Variants in LPIN2 observed in about 807,000 individuals in gnomAD.
LPIN2 encodes phosphatidate phosphatase LPIN2.
In LPIN2, 55 loss-of-function variants were observed where a neutral mutation model predicts 111.4. The observed-to-expected ratio is 0.49, with a 90% CI of 0.40 to 0.62. LPIN2 has a LOEUF of 0.62. LPIN2 is among the 20% of genes least tolerant of loss of function. The pLI, the probability that LPIN2 is intolerant of heterozygous loss-of-function variation, is 0.00. For missense variants in LPIN2, 992 were observed against 1,112.1 expected (o/e 0.89, Z 1.54); for synonymous variants, 425 against 414.0 (o/e 1.03, Z -0.32).
At chr18:2,954,258 T>C (rs746132471) in intron 3 of LPIN2, among the ~76,000 whole-genome samples, 1 of 152,200 alleles carries the variant, frequency 6.6e-6, no homozygotes, top group Non-Finnish European at 1.5e-5. Flanking sequence ...TGCCTTCCCT[T>C]AGAAAAAGTG....
intron 1 of LPIN2, chr18:2,967,640 G>C (rs753532158): frequency 6.6e-6 from 1 of 152,208 alleles, no homozygotes; most frequent in Non-Finnish European, 1.5e-5. Flanking sequence ...ACAGAAGAAA[G>C]GAAGAGTATA....
At chr18:2,970,933 T>TA (rs1263385376) in intron 1 of LPIN2, among the ~76,000 whole-genome samples, 1 of 152,150 alleles carries the variant, frequency 6.6e-6, no homozygotes, top group African/African-American at 2.4e-5. Context: ...TCACTTTCTA[T>TA]AAACAGATGA....
chr18:3,008,832 C>CTCCTGA (rs1297947129), intron 1 of LPIN2, among the ~76,000 whole-genome samples: 2 of 151,914 alleles, frequency 1.3e-5, no homozygotes, highest in Non-Finnish European at 2.9e-5. Context: ...TGACCTTAGC[C>CTCCTGA]TCCTGAGCAG....
At chr18:2,986,837 G>A (rs2078194484) in intron 1 of LPIN2, among the ~76,000 whole-genome samples, 1 of 152,142 alleles carries the variant, frequency 6.6e-6, no homozygotes, top group Non-Finnish European at 1.5e-5. Context: ...CCTAATTTAG[G>A]ATCAGAGTAA....
At chr18:3,003,805 T>C (rs943402131) in intron 1 of LPIN2, among the ~76,000 whole-genome samples, 1 of 152,172 alleles carries the variant, frequency 6.6e-6, no homozygotes, top group African/African-American at 2.4e-5. Flanking sequence ...CAGGGAACAA[T>C]GGAAGATAAC....
chr18:2,980,012 C>T (rs2078081898), intron 1 of LPIN2, among the ~76,000 whole-genome samples: 2 of 152,188 alleles, frequency 1.3e-5, no homozygotes, highest in Admixed American at 1.3e-4. Flanking sequence ...AGCTCAGTGG[C>T]AAGAGCACAA....
chr18:2,976,699 A>T (rs1220146400), intron 1 of LPIN2, among the ~76,000 whole-genome samples: 1 of 152,190 alleles, frequency 6.6e-6, no homozygotes, highest in Non-Finnish European at 1.5e-5. Flanking sequence ...TCCCACGCAA[A>T]ACAGGGGACT....
At chr18:2,957,807 T>C (rs1236817916) in intron 2 of LPIN2, among the ~76,000 whole-genome samples, 1 of 152,180 alleles carries the variant, frequency 6.6e-6, no homozygotes, top group Non-Finnish European at 1.5e-5. Flanking sequence ...AGGGTAAATT[T>C]CTGTTATCAG....
At chr18:2,994,787 T>C (rs546861904) in intron 1 of LPIN2, among the ~76,000 whole-genome samples, 1 of 152,260 alleles carries the variant, frequency 6.6e-6, no homozygotes, top group Admixed American at 6.5e-5. Flanking sequence ...TATTTCTGAA[T>C]GTCCCCGGCG....
intron 5 of LPIN2, among the ~76,000 whole-genome samples, chr18:2,940,353 A>T (rs1158424497): frequency 6.6e-6 from 1 of 152,214 alleles, no homozygotes; most frequent in Non-Finnish European, 1.5e-5. Flanking sequence ...GAAAAAAAAT[A>T]ACTGTAGATG....
chr18:2,925,494 C>T lies in LPIN2; in HGVS notation c.1794-126G>A. On this transcript the variant is annotated intron_variant, in intron 13 of 19. Transcript: ENST00000677752. This position sits in a 1 kb window ranked among gnomAD's most constrained non-coding sequence, Gnocchi z 4.1. ...CTAGGAATGGGTAGAGTTATCCCTT[C>T]TGCCATTCTCCCATATCCACAGCTC... is the stretch of plus-strand genomic sequence containing the variant. The T allele has an allele frequency of 7.8e-7, 1 of 1,275,758 alleles. No homozygotes were observed. The highest frequency in any genetic ancestry group is 1.1e-6 in the Non-Finnish European group (1 of 896,700). 79.0% of individuals were successfully genotyped at this position (1,275,758 alleles called of 1,614,324 possible). A position where few individuals can be genotyped will look rare whatever the true frequency, so the allele number is the denominator to read the frequency against.
intron 2 of LPIN2, among the ~76,000 whole-genome samples, chr18:2,955,648 G>A (rs542533871): frequency 6.6e-6 from 1 of 152,258 alleles, no homozygotes; most frequent in Non-Finnish European, 1.5e-5. Flanking sequence ...GGGTGCAGTG[G>A]CTCATGCTTG....
At chr18:2,958,141 C>CAAAAAAAAAAAAAAAAA in intron 2 of LPIN2, among the ~76,000 whole-genome samples, 128 of 11,934 alleles carry the variant, frequency 0.011, 17 homozygotes, top group Non-Finnish European at 0.017. Flanking sequence ...GACTCCATCT[C>CAAAAAAAAAAAAAAAAA]AAAAAAAAAA....
chr18:2,988,012 CAAA>C (rs761121515), intron 1 of LPIN2, among the ~76,000 whole-genome samples: 7 of 32,346 alleles, frequency 2.2e-4, no homozygotes, highest in East Asian at 2.4e-3. Flanking sequence ...GAGACTGTCT[CAAA>C]AAAAAAAAAA....
rs141025864 is a variant in LPIN2, at chr18:2,950,762, G to A, written c.590+293C>T. On this transcript the variant is annotated intron_variant, in intron 4 of 19. Coordinates refer to ENST00000677752, the MANE Select transcript of LPIN2 (RefSeq NM_001375808.2). ...TGGTGTCCAACTGGATCTGCTCACC[G>A]AGGGGCAAATCACTAATTCAGATCT... is the stretch of plus-strand genomic sequence containing the variant. 1,260 of 438,404 alleles carry A rather than the reference G, an allele frequency of 2.9e-3. 7 individuals are homozygous for A. The highest frequency in any genetic ancestry group is 6.8e-3 in the Middle Eastern group (10 of 1,468). The allele number at this position is 438,404 out of a possible 1,614,324, so 27.2% of individuals were successfully genotyped here.
chr18:2,989,480 G>C (rs1395922511), intron 1 of LPIN2, among the ~76,000 whole-genome samples: 1 of 152,096 alleles, frequency 6.6e-6, no homozygotes, highest in Admixed American at 6.5e-5. Context: ...ATTACCTAAA[G>C]CGATCTTCAA....
At chr18:3,003,991 AC>A in intron 1 of LPIN2, among the ~76,000 whole-genome samples, 1 of 149,758 alleles carries the variant, frequency 6.7e-6, no homozygotes, top group Non-Finnish European at 1.5e-5. Flanking sequence ...AGGTCTATTA[AC>A]GGCCGCTCTG....
At chr18:3,012,229 T>G (rs114312966) in intron 1 of LPIN2, among the ~76,000 whole-genome samples, 1 of 152,212 alleles carries the variant, frequency 6.6e-6, no homozygotes, top group Non-Finnish European at 1.5e-5. Context: ...AAAAATTAGT[T>G]TGGCCATTTA....
In LPIN2 at chr18:2,920,888, A is replaced by G; in HGVS notation, c.2443-7T>C. On this transcript the variant is annotated splice_polypyrimidine_tract_variant and splice_region_variant and intron_variant, in intron 18 of 19. Transcript: ENST00000677752. ...GTGTGTAGGCATAGACATCCTGCAGAAGAAAATAGCAAGCGGGTGATTCCA... is the reference window on the plus strand; with the variant it reads ...GTGTGTAGGCATAGACATCCTGCAGGAGAAAATAGCAAGCGGGTGATTCCA... 1.3e-6 allele frequency: 2 copies of G among 1,592,258 alleles called. No homozygotes were observed. The highest frequency in any genetic ancestry group is 1.7e-6 in the Non-Finnish European group (2 of 1,160,058).
Sources: gnomAD v4.1 joint callset for allele counts (sites outside exome capture counted in the v4.1 genomes callset) on GRCh38, gnomAD v4.1.1 for gene constraint, Gnocchi (gnomAD v3.1) non-coding constraint, MANE v1.5 for transcripts, NCBI Gene and HGNC (gene_info 2026-07-23, HGNC 2026-07-21) for gene names.